WDR33: variants seen among roughly 807,000 people sequenced by gnomAD.
WDR33 encodes the protein pre-mRNA 3' end processing protein WDR33.
In WDR33, 47 loss-of-function variants were observed where a neutral mutation model predicts 164.9. The ratio of observed to expected loss-of-function variants is 0.29; its 90% CI spans 0.23 to 0.36. The LOEUF is 0.36. WDR33 is among the 10% of genes least tolerant of loss of function. The pLI is 1.00. For missense variants in WDR33, 1,137 were observed against 1,754.1 expected (o/e 0.65, Z 6.28); for synonymous variants, 505 against 589.0 (o/e 0.86, Z 2.06).
chr2:127,805,274 G>T (rs1689396508), intron 1 of WDR33, among the ~76,000 whole-genome samples: 1 of 151,304 alleles, frequency 6.6e-6, no homozygotes. Flanking sequence ...TAGAGACAGG[G>T]TTTTGCCAAA....
intron 1 of WDR33, among the ~76,000 whole-genome samples, chr2:127,802,639 A>AT (rs1041455522): frequency 6.6e-6 from 1 of 152,094 alleles, no homozygotes; most frequent in African/African-American, 2.4e-5. Flanking sequence ...GTGCTTAAAA[A>AT]TTTTTTTTCA....
At chr2:127,750,558 A>T (rs1217936579) in intron 7 of WDR33, among the ~76,000 whole-genome samples, 4 of 147,186 alleles carry the variant, frequency 2.7e-5, no homozygotes, top group Non-Finnish European at 4.5e-5. Flanking sequence ...GAGGCACTTG[A>T]GAATTGTTTG....
chr2:127,713,830 G>C lies in WDR33; in HGVS notation c.3061C>G (p.Pro1021Ala). Residue 1021 changes from proline to alanine, a missense_variant, in exon 18 of 22, where the codon CCT (proline) becomes GCT (alanine). Physicochemically the swap from Pro to Ala is conservative, Grantham distance 27. Around this residue, in one of 9 missense-constraint regions of WDR33, gnomAD observed 867 missense variants for 1,073.0 expected, o/e 0.81. Transcript: ENST00000322313. This position sits in a 1 kb window ranked among gnomAD's most constrained non-coding sequence, Gnocchi z 6.2. The stretch of plus-strand genomic sequence containing the variant: ...AACCGGTGGCCAAAGCGCTTGTCAG[G>C]GTGGAAGTCATCTGGTCTGCTGAAG... Reference protein sequence around the residue: ...DDFSRPDDFHPDKRFGHRLRE... With the variant: ...DDFSRPDDFHADKRFGHRLRE... The C allele has an allele frequency of 6.2e-7, 1 of 1,614,264 alleles. No individual in the cohort carries two copies. Among genetic ancestry groups the C allele is most frequent in the Non-Finnish European group, 8.5e-7 (1 of 1,180,044 alleles).
intron 1 of WDR33, among the ~76,000 whole-genome samples, chr2:127,771,863 T>C (rs1395284539): frequency 2.0e-5 from 3 of 151,992 alleles, no homozygotes; most frequent in African/African-American, 7.3e-5. Context: ...TGATGTAAAA[T>C]TCAGCCTCGT....
chr2:127,742,208 C>T (rs111654481), intron 7 of WDR33, among the ~76,000 whole-genome samples: 2,522 of 150,130 alleles, frequency 0.017, 20 homozygotes, highest in East Asian at 0.03. Context: ...AGCGAAACTC[C>T]ATCTCAAAAA....
chr2:127,809,671 G>C (rs985955538), intron 1 of WDR33, among the ~76,000 whole-genome samples: 1 of 151,994 alleles, frequency 6.6e-6, no homozygotes, highest in African/African-American at 2.4e-5. Flanking sequence ...CCTGACCTCA[G>C]GTGATCCGCC....
At chr2:127,784,301 G>A (rs1358454350) in intron 1 of WDR33, among the ~76,000 whole-genome samples, 1 of 152,168 alleles carries the variant, frequency 6.6e-6, no homozygotes, top group Admixed American at 6.6e-5. Flanking sequence ...GACAACTGTA[G>A]ATATTCTATG....
rs1686818220 is a variant in WDR33, at chr2:127,735,584, A to G, written c.725-8807T>C. 2 of 985,778 alleles carry G rather than the reference A, an allele frequency of 2.0e-6. No homozygotes were observed. The highest frequency in any genetic ancestry group is 2.4e-6 in the Non-Finnish European group (2 of 829,936). 61.1% of individuals were successfully genotyped at this position (985,778 alleles called of 1,614,324 possible). ...AAGTACCATCTTGTACAATATTAACAGAACTGTTACTCAAGAAAATGTGTT... is the reference window on the plus strand; with the variant it reads ...AAGTACCATCTTGTACAATATTAACGGAACTGTTACTCAAGAAAATGTGTT... On this transcript the variant is annotated intron_variant, in intron 7 of 21. Transcript: ENST00000322313. The surrounding 1 kb of genome is among the most constrained non-coding windows in gnomAD (Gnocchi z 4.3).
intron 7 of WDR33, among the ~76,000 whole-genome samples, chr2:127,747,013 A>G (rs1474667227): frequency 1.3e-5 from 2 of 152,256 alleles, no homozygotes; most frequent in Admixed American, 6.5e-5. Flanking sequence ...ATAGAAGATG[A>G]TCAAAACCAG....
Position 127,721,243 on chromosome 2 carries a change from G to A in WDR33, c.1671+593C>T, listed in dbSNP as rs911223274. ...CTGCCTCAGCCGCCCATGTCACTGG[G>A]ACCACAGGCATGCACCACCATGCCC... On this transcript the variant is annotated intron_variant, in intron 15 of 21. Transcript: ENST00000322313. The surrounding 1 kb of genome is among the most constrained non-coding windows in gnomAD (Gnocchi z 4.9). Among the ~76,000 whole-genome samples the A allele has an allele frequency of 1.3e-5, 2 of 152,090 alleles. No homozygotes were observed. Among genetic ancestry groups the A allele is most frequent in the Admixed American group, 6.5e-5 (1 of 15,270 alleles).
In WDR33 at chr2:127,724,526, A is replaced by C. The variant is rs530265238; in HGVS notation, c.1086-83T>G. On this transcript the variant is annotated intron_variant, in intron 10 of 21. Transcript: ENST00000322313. This position sits in a 1 kb window ranked among gnomAD's most constrained non-coding sequence, Gnocchi z 4.8. The stretch of plus-strand genomic sequence containing the variant: ...CCCCTCAAAAAAGACATTTTCTGTT[A>C]CTCTTAAAATGAAGCTACCAAAGCC... 67 of 1,228,834 alleles carry C rather than the reference A, an allele frequency of 5.5e-5. No homozygotes were observed. In the East Asian group the frequency reaches 1.6e-3, roughly 29 times the overall value. 76.1% of individuals were successfully genotyped at this position (1,228,834 alleles called of 1,614,324 possible).
At chr2:127,780,195 G>A (rs1273465483) in intron 1 of WDR33, among the ~76,000 whole-genome samples, 1 of 152,004 alleles carries the variant, frequency 6.6e-6, no homozygotes, top group East Asian at 1.9e-4. Flanking sequence ...GGATGGTCTC[G>A]ATCTCCTGAC....
intron 4 of WDR33, among the ~76,000 whole-genome samples, chr2:127,766,799 C>T (rs990173083): frequency 6.6e-6 from 1 of 150,790 alleles, no homozygotes; most frequent in Non-Finnish European, 1.5e-5. Context: ...AACAGAGTTT[C>T]GATCTTGTCG....
intron 1 of WDR33, among the ~76,000 whole-genome samples, chr2:127,778,439 G>GAAA (rs5834186): frequency 3.2e-5 from 4 of 123,772 alleles, no homozygotes; most frequent in African/African-American, 1.1e-4. Context: ...TCCATCTCAA[G>GAAA]AAAAAAAAAA....
chr2:127,787,534 G>A (rs772288273), intron 1 of WDR33, among the ~76,000 whole-genome samples: 2 of 127,404 alleles, frequency 1.6e-5, no homozygotes, highest in Non-Finnish European at 3.3e-5. Flanking sequence ...GCCGGTCGGG[G>A]GGCTGACACC....
rs777984005 is a variant in WDR33 at position 127,764,656 on chromosome 2, G to T, written c.626+172C>A. Reference sequence around the variant, plus strand: ...ACCGGGACAACACTACTTCAGAAAGGTGCCAGCAAAATGGTGAATGTGTGA... The same window carrying T: ...ACCGGGACAACACTACTTCAGAAAGTTGCCAGCAAAATGGTGAATGTGTGA... On this transcript the variant is annotated intron_variant, in intron 6 of 21. Coordinates refer to ENST00000322313, the MANE Select transcript of WDR33 (RefSeq NM_018383.5). This position sits in a 1 kb window ranked among gnomAD's most constrained non-coding sequence, Gnocchi z 6.2. The T allele has an allele frequency of 1.3e-6, 2 of 1,565,398 alleles. No homozygotes were observed. The highest frequency in any genetic ancestry group is 1.2e-5 in the South Asian group (1 of 86,236).
chr2:127,761,609 T>C (rs185986553), intron 7 of WDR33, among the ~76,000 whole-genome samples: 56 of 152,300 alleles, frequency 3.7e-4, no homozygotes, highest in East Asian at 1.2e-3. Context: ...CCAAGACTAA[T>C]AGTGAGGAAA....
chr2:127,711,780 A>ATATATATTTTTTTTTTTTTTTTTTT, intron 18 of WDR33, among the ~76,000 whole-genome samples: 2 of 88,306 alleles, frequency 2.3e-5, no homozygotes, highest in African/African-American at 1.3e-4. Flanking sequence ...ATATATATAT[A>ATATATATTTTTTTTTTTTTTTTTTT]TTTTTTTTTT....
In WDR33 at chr2:127,735,716, C is replaced by T. The variant is rs1438384189; in HGVS notation, c.725-8939G>A. ...AGTACCCATGGCCCATAGCCAGATA[C>T]TCCAGTTGGACAGAGGATTTAAGAT... On this transcript the variant is annotated intron_variant, in intron 7 of 21. Transcript: ENST00000322313. The surrounding 1 kb of genome is among the most constrained non-coding windows in gnomAD (Gnocchi z 4.3). 1.0e-6 allele frequency: 1 copy of T among 985,544 alleles called. No individual in the cohort carries two copies. The highest frequency in any genetic ancestry group is 1.2e-6 in the Non-Finnish European group (1 of 829,936). The allele number at this position is 985,544 out of a possible 1,614,324, so 61.0% of individuals were successfully genotyped here. A position where few individuals can be genotyped will look rare whatever the true frequency, so the allele number is the denominator to read the frequency against.
Sources: allele counts gnomAD v4.1 joint callset (sites outside exome capture counted in the v4.1 genomes callset), GRCh38; gene constraint gnomAD v4.1.1; regional missense constraint gnomAD v4.1.1; non-coding constraint Gnocchi (gnomAD v3.1); transcripts MANE v1.5; gene names NCBI Gene and HGNC (gene_info 2026-07-23, HGNC 2026-07-21).